Variants in IREB2 observed in about 807,000 individuals in gnomAD.
IREB2 encodes iron-responsive element-binding protein 2.
In IREB2, 39 loss-of-function variants were observed where a neutral mutation model predicts 118.8. The observed-to-expected ratio is 0.33, with a 90% CI of 0.25 to 0.43. IREB2 has a LOEUF of 0.43. Among genes scored for constraint, IREB2 ranks in the 20% least tolerant of loss-of-function variants. The pLI is 1.00. For synonymous variants in IREB2, 372 were observed against 392.2 expected, an observed-to-expected ratio of 0.95 and a Z score of 0.61; for missense variants, 900 against 1,147.3, an observed-to-expected ratio of 0.78 and a Z score of 3.11.
In IREB2 at chr15:78,471,887, C is replaced by T. The variant is rs2051385373; in HGVS notation, c.846C>T (p.His282=). 2.5e-6 allele frequency: 4 copies of T among 1,608,642 alleles called. No homozygotes were observed. The East Asian group carries it at 8.9e-5, about 36-fold the overall frequency. The change falls in exon 7 of 22, where the codon CAC becomes CAT. Residue 282 remains histidine, a synonymous_variant. Coordinates refer to ENST00000258886, the MANE Select transcript of IREB2 (RefSeq NM_004136.4). ...FPDSVVGTDS[H]ITMVNGLGIL... is the part of the protein sequence containing the mutation. ...ACAGTGTAGTCGGCACAGATTCACACATAACGATGGTGAATGGTTTAGGGA... is the reference window on the plus strand; with the variant it reads ...ACAGTGTAGTCGGCACAGATTCACATATAACGATGGTGAATGGTTTAGGGA...
chr15:78,438,543 C>T (rs897649198), intron 1 of IREB2, 187 bp downstream of exon 1: 2 of 636,024 alleles, frequency 3.1e-6, no homozygotes, highest in African/African-American at 1.8e-5. Context: ...GCTGGGGCTC[C>T]CGATCCCCAC....
intron 2 of IREB2, among the ~76,000 whole-genome samples, chr15:78,445,742 G>A (rs545768734): frequency 1.3e-5 from 2 of 152,054 alleles, no homozygotes; most frequent in African/African-American, 4.8e-5. Flanking sequence ...ATTACTAACC[G>A]GTTAAGAGTG....
intron 2 of IREB2, among the ~76,000 whole-genome samples, chr15:78,442,429 A>T (rs1210474879): frequency 6.6e-6 from 1 of 152,228 alleles, no homozygotes; most frequent in Non-Finnish European, 1.5e-5. Flanking sequence ...TTGCTTTGGT[A>T]GTCACCAAGG....
upstream of IREB2, chr15:78,438,086 A>C: frequency 4.1e-6 from 2 of 483,570 alleles, no homozygotes; most frequent in Non-Finnish European, 7.5e-6. Flanking sequence ...CGGCGCGAGA[A>C]ATCGCTTTCT....
At chr15:78,471,171 G>C (rs974232384) in intron 6 of IREB2, among the ~76,000 whole-genome samples, 12 of 151,608 alleles carry the variant, frequency 7.9e-5, no homozygotes, top group African/African-American at 2.9e-4. Flanking sequence ...ACCACTGCCT[G>C]GCTATTTTTG....
rs1271677163 is a variant in IREB2 at position 78,500,555 on chromosome 15, A to C, written c.*2412A>C. 2.0e-5 allele frequency: 3 copies of C among 146,760 alleles called. No homozygotes were observed. The highest frequency in any genetic ancestry group is 1.5e-5 in the Non-Finnish European group (1 of 65,520). The allele number at this position is 146,760 out of a possible 1,614,324, so 9.1% of individuals were successfully genotyped here. ...TGTGTTACCAAAAAAAAAAAAAAAA[A>C]AAGGAAGTGTAATGTCAGACACACA... On this transcript the variant is annotated 3_prime_UTR_variant, in exon 22 of 22. Transcript: ENST00000258886.
At chr15:78,442,312 TTAGG>T (rs1207438172) in intron 2 of IREB2, among the ~76,000 whole-genome samples, 8 of 152,132 alleles carry the variant, frequency 5.3e-5, no homozygotes, top group Non-Finnish European at 8.8e-5. Flanking sequence ...AAGGAACAAG[TTAGG>T]TAGGAAGTAT....
intron 14 of IREB2, 148 bp downstream of exon 14, chr15:78,487,965 A>G: frequency 1.5e-6 from 1 of 678,584 alleles, no homozygotes; most frequent in Non-Finnish European, 2.4e-6. Context: ...TAAATGATTC[A>G]ATGAATCATT....
intron 5 of IREB2, among the ~76,000 whole-genome samples, chr15:78,467,991 C>T (rs1036295267): frequency 3.3e-5 from 5 of 152,038 alleles, no homozygotes; most frequent in Non-Finnish European, 1.5e-5. Flanking sequence ...TCCCAAGTAG[C>T]TGGAACTTCA....
At chr15:78,448,208 G>T (rs1428259485) in intron 2 of IREB2, among the ~76,000 whole-genome samples, 3 of 152,192 alleles carry the variant, frequency 2.0e-5, no homozygotes, top group African/African-American at 7.2e-5. Context: ...GCAGTGGCAT[G>T]ATCTCAGCTC....
At chr15:78,475,061 CAAAAAAAAAAAAAAA>C (rs67418312) in intron 8 of IREB2, 8 of 69,954 alleles carry the variant, frequency 1.1e-4, no homozygotes, top group African/African-American at 4.8e-4. Context: ...GACTCTGTCT[CAAAAAAAAAAAAAAA>C]AAAAAAAAAA....
At chr15:78,481,421 T>C (rs1315544657) in intron 10 of IREB2, among the ~76,000 whole-genome samples, 10 of 151,822 alleles carry the variant, frequency 6.6e-5, no homozygotes, top group Admixed American at 5.9e-4. Flanking sequence ...AGTGACACGA[T>C]CTTGGCTCAC....
chr15:78,465,420 T>TA, intron 4 of IREB2, 32 bp downstream of exon 4: 1 of 1,575,152 alleles, frequency 6.3e-7, no homozygotes, highest in Non-Finnish European at 8.7e-7. Flanking sequence ...TAGACAGCCA[T>TA]GCAAGTTAAT....
At chr15:78,482,237 A>G (rs1353360998) in intron 10 of IREB2, among the ~76,000 whole-genome samples, 3 of 152,182 alleles carry the variant, frequency 2.0e-5, no homozygotes, top group African/African-American at 7.2e-5. Context: ...CACAATAAAA[A>G]TAATAATAAT....
chr15:78,489,073 T>G (rs1043584069), intron 16 of IREB2, among the ~76,000 whole-genome samples: 2 of 151,928 alleles, frequency 1.3e-5, no homozygotes, highest in African/African-American at 4.8e-5. Flanking sequence ...TACAAAACAA[T>G]TAGCCAGGCT....
chr15:78,500,590 A>G lies in IREB2; in HGVS notation c.*2447A>G, dbSNP rs2051926672. On this transcript the variant is annotated 3_prime_UTR_variant, in exon 22 of 22. Coordinates refer to ENST00000258886, the MANE Select transcript of IREB2 (RefSeq NM_004136.4). ...TAATGTCAGACACACAAGAAAAGCA[A>G]ATCAGTGTTGTAAGCTTAAAGTACA... The G allele has an allele frequency of 6.6e-6, 1 of 152,088 alleles. No homozygotes were observed. Among genetic ancestry groups the G allele is most frequent in the Non-Finnish European group, 1.5e-5 (1 of 68,012 alleles). 9.4% of individuals were successfully genotyped at this position (152,088 alleles called of 1,614,324 possible).
At chr15:78,443,959 C>T (rs1170820107) in intron 2 of IREB2, among the ~76,000 whole-genome samples, 1 of 152,094 alleles carries the variant, frequency 6.6e-6, no homozygotes, top group Non-Finnish European at 1.5e-5. Flanking sequence ...TGTGGGGAAT[C>T]TCTTTAATAT....
rs1555407841 is a variant in IREB2 at position 78,470,712 on chromosome 15, T to TTA, written c.699+111_699+112insTA. ...TCCTTTTTTTTTTTTTTTTTTTTTT[T>TTA]AAGACAGAATCTCGCCCTGTTACCC... On this transcript the variant is annotated intron_variant, in intron 6 of 21. Coordinates refer to ENST00000258886, the MANE Select transcript of IREB2 (RefSeq NM_004136.4). 3 of 498,298 alleles carry TTA rather than the reference T, an allele frequency of 6.0e-6. No homozygotes were observed. In the African/African-American group the frequency reaches 6.4e-5, roughly 11 times the overall value. 30.9% of individuals were successfully genotyped at this position (498,298 alleles called of 1,614,324 possible).
intron 2 of IREB2, among the ~76,000 whole-genome samples, chr15:78,450,141 A>G (rs2050998922): frequency 6.6e-6 from 1 of 152,222 alleles, no homozygotes; most frequent in African/African-American, 2.4e-5. Context: ...CAAATGAAAG[A>G]TGGCTAAGAT....
Sources: allele counts gnomAD v4.1 joint callset (sites outside exome capture counted in the v4.1 genomes callset), GRCh38; gene constraint gnomAD v4.1.1; transcripts MANE v1.5; gene names NCBI Gene and HGNC (gene_info 2026-07-23, HGNC 2026-07-21).